The following WDR7 variants were observed in gnomAD, a reference collection of about 807,000 sequenced individuals.
WDR7 encodes WD repeat-containing protein 7.
WDR7 carries 46 observed loss-of-function variants against 169.4 expected under a neutral mutation model. The ratio of observed to expected loss-of-function variants is 0.27; its 90% CI spans 0.21 to 0.35. The LOEUF is 0.35. Ranked by LOEUF, WDR7 falls within the 10% of genes least tolerant of loss-of-function variation. The pLI is 1.00. For missense variants in WDR7, 1,534 were observed against 1,859.3 expected (o/e 0.83, Z 3.22); for synonymous variants, 612 against 666.8 (o/e 0.92, Z 1.27).
intron 20 of WDR7, among the ~76,000 whole-genome samples, chr18:56,835,842 T>G (rs2045386672): frequency 6.6e-6 from 1 of 152,180 alleles, no homozygotes; most frequent in South Asian, 2.1e-4. Flanking sequence ...AAAGTTGGTT[T>G]GGGATAAAAA....
At chr18:56,776,028 A>G (rs2044237593) in intron 16 of WDR7, among the ~76,000 whole-genome samples, 1 of 152,174 alleles carries the variant, frequency 6.6e-6, no homozygotes, top group Admixed American at 6.6e-5. Flanking sequence ...TGTGTGCCAT[A>G]CGGTCCTTTT....
intron 20 of WDR7, among the ~76,000 whole-genome samples, chr18:56,877,117 A>C (rs1189111254): frequency 6.6e-6 from 1 of 152,234 alleles, no homozygotes; most frequent in Non-Finnish European, 1.5e-5. Flanking sequence ...TAGAGAAGGT[A>C]TAAATACACA....
chr18:56,941,289 C>CATA lies in WDR7; in HGVS notation c.4064+1916_4064+1918dup, dbSNP rs58883266. The stretch of plus-strand genomic sequence containing the variant: ...TGAAAAAGTTTCACAAAGGAGAAGG[C>CATA]ATAATAATAATAATAATAATAACCT... On this transcript the variant is annotated intron_variant, in intron 25 of 27. Transcript: ENST00000254442. 3.7e-4 allele frequency among the ~76,000 whole-genome samples: 56 copies of CATA among 150,968 alleles called. 1 individual carries two copies. The highest frequency in any genetic ancestry group is 3.4e-3 in the Middle Eastern group (1 of 294).
At chr18:56,679,211 C>A in intron 2 of WDR7, 121 bp from the exon 3 acceptor site, 1 of 716,958 alleles carries the variant, frequency 1.4e-6, no homozygotes. Context: ...GAGCCAGGGG[C>A]TAGAATAAAA....
chr18:56,987,801 G>A (rs1162670018), intron 26 of WDR7, among the ~76,000 whole-genome samples: 1 of 152,156 alleles, frequency 6.6e-6, no homozygotes, highest in African/African-American at 2.4e-5. Flanking sequence ...TTATTGATCA[G>A]TTCCCTTGCA....
chr18:56,729,137 A>C (rs984421155), intron 13 of WDR7, among the ~76,000 whole-genome samples: 8 of 152,168 alleles, frequency 5.3e-5, no homozygotes, highest in African/African-American at 1.9e-4. Flanking sequence ...AAAGTCACTT[A>C]AGCCTTTCCA....
chr18:56,998,806 A>G (rs1466073655), intron 26 of WDR7, among the ~76,000 whole-genome samples: 1 of 152,218 alleles, frequency 6.6e-6, no homozygotes, highest in Non-Finnish European at 1.5e-5. Flanking sequence ...GGCTATTTAT[A>G]TAAGAGAAAT....
chr18:56,721,764 A>C (rs2026327662), intron 13 of WDR7: 1 of 152,222 alleles, frequency 6.6e-6, no homozygotes, highest in Admixed American at 6.5e-5. Context: ...CTGATGTTAC[A>C]AAATGTTCTT....
chr18:56,855,985 C>G (rs1210404587), intron 20 of WDR7, among the ~76,000 whole-genome samples: 1 of 152,066 alleles, frequency 6.6e-6, no homozygotes, highest in Non-Finnish European at 1.5e-5. Context: ...ACTGCATACC[C>G]TACATGCATC....
chr18:56,978,520 A>G (rs894036290), intron 26 of WDR7, among the ~76,000 whole-genome samples: 15 of 152,160 alleles, frequency 9.9e-5, no homozygotes, highest in South Asian at 2.1e-4. Context: ...AGAAGTAGGT[A>G]TGTGAAAGGG....
At chr18:56,814,231 G>A (rs2044925563) in intron 19 of WDR7, among the ~76,000 whole-genome samples, 1 of 152,004 alleles carries the variant, frequency 6.6e-6, no homozygotes, top group African/African-American at 2.4e-5. Context: ...TATTTTCATT[G>A]ATCCCTTAAT....
intron 14 of WDR7, among the ~76,000 whole-genome samples, chr18:56,739,890 T>TA (rs1023939648): frequency 6.6e-5 from 10 of 151,706 alleles, no homozygotes; most frequent in Non-Finnish European, 1.3e-4. Context: ...TTTTTTTTTT[T>TA]TGTATTTATA....
chr18:56,873,235 G>A (rs1054450098), intron 20 of WDR7, among the ~76,000 whole-genome samples: 1 of 152,084 alleles, frequency 6.6e-6, no homozygotes, highest in African/African-American at 2.4e-5. Flanking sequence ...CCAGTTGGGC[G>A]GTGTTCTTAT....
chr18:56,817,363 AAATTAAAAGGAGAAAAG>A (rs1185499577), intron 20 of WDR7, among the ~76,000 whole-genome samples: 10 of 151,732 alleles, frequency 6.6e-5, no homozygotes, highest in Admixed American at 4.6e-4. Context: ...AAAAAAAGAA[AAATTAAAAGGAGAAAAG>A]AAAGGGGAGA....
intron 26 of WDR7, among the ~76,000 whole-genome samples, chr18:57,011,610 A>G (rs2048136561): frequency 6.6e-6 from 1 of 152,234 alleles, no homozygotes; most frequent in African/African-American, 2.4e-5. Context: ...TTATAACATA[A>G]AGTTGGCATA....
chr18:56,735,745 A>G (rs139204552), intron 14 of WDR7, among the ~76,000 whole-genome samples: 163 of 152,304 alleles, frequency 1.1e-3, no homozygotes, highest in African/African-American at 3.9e-3. Flanking sequence ...TGCCTCTTTC[A>G]CAGTGACTTA....
intron 14 of WDR7, among the ~76,000 whole-genome samples, chr18:56,739,013 A>T (rs2043571350): frequency 6.7e-6 from 1 of 148,424 alleles, no homozygotes; most frequent in South Asian, 2.1e-4. Flanking sequence ...AGACTGCTGG[A>T]TTTTTTTTTT....
rs550098385 is a variant in WDR7, at chr18:56,962,756, G to A, written c.4164+227G>A. Among the ~76,000 whole-genome samples, 137 of 152,252 alleles carry A rather than the reference G, an allele frequency of 9.0e-4. 1 individual carries two copies. Among genetic ancestry groups the A allele is most frequent in the African/African-American group, 3.2e-3 (132 of 41,550 alleles). On this transcript the variant is annotated intron_variant, in intron 26 of 27. Coordinates refer to ENST00000254442, the MANE Select transcript of WDR7 (RefSeq NM_015285.3). ...AGTTCATAAGAGAGCCCAGAGTAAG[G>A]TGGCACTGCTAACAAACTATTTTGC...
At chr18:57,010,452 A>G in intron 26 of WDR7, 1 of 308,430 alleles carries the variant, frequency 3.2e-6, no homozygotes, top group Non-Finnish European at 4.7e-6. Context: ...AAATTATATC[A>G]AAACGTTATG....
Sources: allele counts gnomAD v4.1 joint callset (sites outside exome capture counted in the v4.1 genomes callset), GRCh38; gene constraint gnomAD v4.1.1; transcripts MANE v1.5; gene names NCBI Gene and HGNC (gene_info 2026-07-23, HGNC 2026-07-21).